Variants in PRDM2 observed in about 807,000 individuals in gnomAD.
PRDM2 encodes PR/SET domain 2, also known as PR domain zinc finger protein 2.
Under a neutral mutation model 130.0 loss-of-function variants are expected in PRDM2, and 30 were observed. The ratio of observed to expected loss-of-function variants is 0.23; its 90% CI spans 0.17 to 0.31. The LOEUF is 0.31. Among genes scored for constraint, PRDM2 ranks in the 10% least tolerant of loss-of-function variants. The probability of loss-of-function intolerance (pLI) is 1.00; values close to 1 mark genes in which losing one functional copy is unlikely to be tolerated. For missense variants in PRDM2, 2,011 were observed against 2,108.4 expected (o/e 0.95, Z 0.90); for synonymous variants, 871 against 782.4 (o/e 1.11, Z -1.89).
In PRDM2 at chr1:13,782,353, G is replaced by A; in HGVS notation, c.4558G>A (p.Ala1520Thr). 6.2e-7 allele frequency: 1 copy of A among 1,614,084 alleles called. No individual in the cohort carries two copies. The highest frequency in any genetic ancestry group is 1.3e-5 in the African/African-American group (1 of 75,008). ...CAACCACCGCAGACGGACAGCGGAT[G>A]CGGAGATTAAAATGCAAAGCATGCA... ...NSNHRRRTAD[A>T]EIKMQSMQTP... Residue 1520 changes from alanine to threonine, a missense_variant, in exon 8 of 10, where the codon GCG becomes ACG. By Grantham distance (58) the Ala-to-Thr change is moderately conservative (BLOSUM62 0). Coordinates refer to ENST00000311066, the MANE Select transcript of PRDM2 (RefSeq NM_001393986.1).
intron 4 of PRDM2, among the ~76,000 whole-genome samples, chr1:13,734,367 T>C (rs886227953): frequency 1.3e-5 from 2 of 152,240 alleles, no homozygotes; most frequent in African/African-American, 4.8e-5. Context: ...ACACTACGTT[T>C]AGTGAGAATA....
At chr1:13,727,347 C>T (rs903342755) in intron 2 of PRDM2, among the ~76,000 whole-genome samples, 5 of 152,162 alleles carry the variant, frequency 3.3e-5, no homozygotes, top group African/African-American at 4.8e-5. Flanking sequence ...CTCCACCTTC[C>T]GGGCTCAAGC....
intron 4 of PRDM2, chr1:13,738,776 CTAAAG>C (rs1026290669): frequency 1.3e-5 from 2 of 152,198 alleles, no homozygotes; most frequent in African/African-American, 2.4e-5. Flanking sequence ...CTCTGATCTC[CTAAAG>C]TAATCTGAGG....
At chr1:13,809,788 G>A (rs946610972) in intron 8 of PRDM2, among the ~76,000 whole-genome samples, 1 of 152,192 alleles carries the variant, frequency 6.6e-6, no homozygotes, top group African/African-American at 2.4e-5. Context: ...CTCTGGGCAA[G>A]TTGTCTTAAC....
intron 8 of PRDM2, among the ~76,000 whole-genome samples, chr1:13,810,563 C>T (rs1336820873): frequency 3.3e-5 from 5 of 151,310 alleles, no homozygotes; most frequent in African/African-American, 7.3e-5. Flanking sequence ...GGCACGATCT[C>T]GGCTCACTGA....
intron 5 of PRDM2, 110 bp from the exon 6 acceptor site, chr1:13,749,251 A>C: frequency 3.8e-6 from 4 of 1,043,002 alleles, no homozygotes; most frequent in African/African-American, 1.7e-5. Flanking sequence ...GGCGCCGCCG[A>C]CAGCTGTTTG....
intron 2 of PRDM2, among the ~76,000 whole-genome samples, chr1:13,725,491 C>T (rs1642882873): frequency 6.6e-6 from 1 of 152,196 alleles, no homozygotes; most frequent in African/African-American, 2.4e-5. Flanking sequence ...AGGCATGAGC[C>T]ACTGCGCCCG....
rs781710949 is a variant in PRDM2, at chr1:13,749,429, G to C, written c.453G>C (p.Ala151=). ...NGEDNPEIAA[A]IEEERASARS... is the part of the protein sequence containing the mutation. ...AAGACAACCCTGAGATAGCAGCTGC[G>C]ATTGAGGAAGAGCGAGCCAGCGCCC... The change falls in exon 6 of 10, where the codon GCG becomes GCC. Residue 151 remains alanine, a synonymous_variant. Coordinates refer to ENST00000311066, the MANE Select transcript of PRDM2 (RefSeq NM_001393986.1). 2 of 1,512,700 alleles carry C rather than the reference G, an allele frequency of 1.3e-6. No individual in the cohort carries two copies. Among genetic ancestry groups the C allele is most frequent in the South Asian group, 1.1e-5 (1 of 88,226 alleles). 93.7% of individuals were successfully genotyped at this position (1,512,700 alleles called of 1,614,324 possible).
chr1:13,749,610 G>A (rs1643745499), intron 6 of PRDM2, 123 bp downstream of exon 6: 1 of 540,780 alleles, frequency 1.8e-6, no homozygotes, highest in Non-Finnish European at 2.4e-6. Context: ...GGCGGCGCCC[G>A]CGGCATCTCG....
At chr1:13,791,772 T>C (rs1013736382) in intron 8 of PRDM2, among the ~76,000 whole-genome samples, 1 of 152,384 alleles carries the variant, frequency 6.6e-6, no homozygotes, top group Admixed American at 6.5e-5. Context: ...CATTAAAAGG[T>C]ACCCAGAAAT....
intron 8 of PRDM2, among the ~76,000 whole-genome samples, chr1:13,784,004 T>G (rs151137414): frequency 2.0e-5 from 3 of 152,218 alleles, no homozygotes; most frequent in Non-Finnish European, 2.9e-5. Flanking sequence ...TTAATGCTGG[T>G]GTGCCTTAAA....
At chr1:13,726,321 A>G (rs573658823) in intron 2 of PRDM2, among the ~76,000 whole-genome samples, 6 of 152,222 alleles carry the variant, frequency 3.9e-5, no homozygotes, top group Non-Finnish European at 8.8e-5. Context: ...ATCCTGGGTC[A>G]GAGAAAATGT....
Position 13,783,944 on chromosome 1 carries a change from C to T in PRDM2, c.5036+1113C>T, listed in dbSNP as rs1205334851. Among the ~76,000 whole-genome samples, 6 of 152,094 alleles carry T rather than the reference C, an allele frequency of 3.9e-5. No homozygotes were observed. In the East Asian group the frequency reaches 5.8e-4, roughly 15 times the overall value. ...CGCGACTGCCATTTTGTAGAGGTCACGAGGACACAGAGGTGCCATTAGCCC... is the reference window on the plus strand; with the variant it reads ...CGCGACTGCCATTTTGTAGAGGTCATGAGGACACAGAGGTGCCATTAGCCC... On this transcript the variant is annotated intron_variant, in intron 8 of 9. Coordinates refer to ENST00000311066, the MANE Select transcript of PRDM2 (RefSeq NM_001393986.1).
chr1:13,702,830 C>T (rs955465600), intron 1 of PRDM2, among the ~76,000 whole-genome samples: 6 of 152,034 alleles, frequency 3.9e-5, no homozygotes, highest in Non-Finnish European at 7.4e-5. Flanking sequence ...ACCAAAACAG[C>T]GGACTTCTAC....
At chr1:13,822,075 T>C (rs1645361716) in intron 9 of PRDM2, among the ~76,000 whole-genome samples, 1 of 152,206 alleles carries the variant, frequency 6.6e-6, no homozygotes, top group African/African-American at 2.4e-5. Context: ...ACAATCACTT[T>C]GGAAAACTGT....
intron 6 of PRDM2, among the ~76,000 whole-genome samples, chr1:13,762,338 C>T (rs1248835158): frequency 1.3e-5 from 2 of 152,234 alleles, no homozygotes; most frequent in Middle Eastern, 3.2e-3. Context: ...CCAAACTTAC[C>T]TTGAGGACCT....
Position 13,816,362 on chromosome 1 carries a change from C to A in PRDM2, c.5037-65C>A, listed in dbSNP as rs1422697898. On this transcript the variant is annotated intron_variant, in intron 8 of 9. Transcript: ENST00000311066. The stretch of plus-strand genomic sequence containing the variant: ...GTGACCAGCACTAAGGAAGCCCCCC[C>A]AGCAATGTCTAGGGCACCGGGCTGG... 2.3e-5 allele frequency: 37 copies of A among 1,587,152 alleles called. 1 individual carries two copies. The South Asian group carries it at 4.1e-4, about 17-fold the overall frequency.
intron 1 of PRDM2, among the ~76,000 whole-genome samples, chr1:13,714,315 T>C (rs945851101): frequency 6.6e-6 from 1 of 151,736 alleles, no homozygotes; most frequent in Non-Finnish European, 1.5e-5. Context: ...ATGGACTTCA[T>C]GGTTTAACTT....
chr1:13,715,394 A>G, intron 1 of PRDM2, 147 bp from the exon 2 acceptor site: 1 of 364,274 alleles, frequency 2.7e-6, no homozygotes. Context: ...TCTGACAAGG[A>G]AGCTCTCAGC....
Sources: allele counts gnomAD v4.1 joint callset (sites outside exome capture counted in the v4.1 genomes callset), GRCh38; gene constraint gnomAD v4.1.1; transcripts MANE v1.5; gene names NCBI Gene and HGNC (gene_info 2026-07-23, HGNC 2026-07-21).